CACNA2D3: variants seen among roughly 807,000 people sequenced by gnomAD.
CACNA2D3 encodes the protein voltage-dependent calcium channel subunit alpha-2/delta-3.
A neutral mutation model predicts 160.6 loss-of-function variants in CACNA2D3; 60 were observed. The ratio of observed to expected loss-of-function variants is 0.37; its 90% CI spans 0.30 to 0.46. The LOEUF is 0.46. CACNA2D3 is among the 20% of genes least tolerant of loss of function. The probability of loss-of-function intolerance (pLI) is 1.00; values close to 1 mark genes in which losing one functional copy is unlikely to be tolerated. For synonymous variants in CACNA2D3, 558 were observed against 492.9 expected (o/e 1.13, Z -1.75); for missense variants, 1,205 against 1,365.0 (o/e 0.88, Z 1.85).
intron 4 of CACNA2D3, among the ~76,000 whole-genome samples, chr3:54,425,662 T>C (rs1699901981): frequency 6.6e-6 from 1 of 152,180 alleles, no homozygotes; most frequent in Non-Finnish European, 1.5e-5. Context: ...GGTAAATCAG[T>C]GAACTCACCT....
intron 11 of CACNA2D3, among the ~76,000 whole-genome samples, chr3:54,749,126 A>C (rs914778742): frequency 1.3e-5 from 2 of 152,234 alleles, no homozygotes; most frequent in African/African-American, 4.8e-5. Context: ...ATCTTTAATT[A>C]TTAAAGCAAT....
chr3:54,388,409 A>G (rs1162936790), intron 4 of CACNA2D3, among the ~76,000 whole-genome samples: 2 of 152,214 alleles, frequency 1.3e-5, no homozygotes, highest in African/African-American at 4.8e-5. Context: ...GGAAGGTTGA[A>G]GAATGGTTCT....
At chr3:54,364,878 T>G (rs1698803135) in intron 3 of CACNA2D3, among the ~76,000 whole-genome samples, 1 of 152,238 alleles carries the variant, frequency 6.6e-6, no homozygotes, top group Admixed American at 6.5e-5. Context: ...AAGCGTTGTA[T>G]TTGACTAATA....
At chr3:54,944,604 G>A (rs1701563212) in intron 27 of CACNA2D3, among the ~76,000 whole-genome samples, 1 of 151,934 alleles carries the variant, frequency 6.6e-6, no homozygotes, top group Non-Finnish European at 1.5e-5. Context: ...TGTATTTTTA[G>A]TAGAGACAGG....
intron 9 of CACNA2D3, among the ~76,000 whole-genome samples, chr3:54,591,506 A>G (rs186282312): frequency 2.0e-5 from 3 of 151,382 alleles, no homozygotes; most frequent in East Asian, 3.9e-4. Flanking sequence ...CCATAGAAGC[A>G]TGAATGAATG....
chr3:54,987,354 C>T (rs2280185), intron 30 of CACNA2D3, among the ~76,000 whole-genome samples: 22 of 151,996 alleles, frequency 1.4e-4, no homozygotes, highest in East Asian at 1.9e-4. Context: ...TTTAATCACA[C>T]GGGATTATGT....
chr3:54,927,804 A>G, intron 27 of CACNA2D3: 1 of 1,274,678 alleles, frequency 7.8e-7, no homozygotes, highest in Non-Finnish European at 1.1e-6. Flanking sequence ...GTCTTTTAAG[A>G]CAGACGACTT....
rs774350395 is a variant in CACNA2D3, at chr3:54,848,411, T to TA, written c.1626+1945dup. ...GGTTGCTAGGATTTTGGCCATGCCATACATGGGGTGGCCCAAACAAATGCC... is the reference window on the plus strand; with the variant it reads ...GGTTGCTAGGATTTTGGCCATGCCATAACATGGGGTGGCCCAAACAAATGCC... On this transcript the variant is annotated intron_variant, in intron 17 of 37. Coordinates refer to ENST00000474759, the MANE Select transcript of CACNA2D3 (RefSeq NM_018398.3). 7.9e-5 allele frequency among the ~76,000 whole-genome samples: 12 copies of TA among 152,316 alleles called. 1 individual carries two copies. In the South Asian group the frequency reaches 1.5e-3, roughly 18 times the overall value.
At chr3:54,788,191 T>C (rs1191838972) in intron 13 of CACNA2D3, among the ~76,000 whole-genome samples, 1 of 152,274 alleles carries the variant, frequency 6.6e-6, no homozygotes, top group Non-Finnish European at 1.5e-5. Context: ...ATGATATTAC[T>C]GTGGGTCATA....
chr3:54,622,826 A>G (rs960216719), intron 9 of CACNA2D3, among the ~76,000 whole-genome samples: 1 of 151,462 alleles, frequency 6.6e-6, no homozygotes, highest in African/African-American at 2.5e-5. Flanking sequence ...GCAAAATCAC[A>G]AATCCTCCGT....
At chr3:54,250,018 T>C (rs1232828777) in intron 2 of CACNA2D3, among the ~76,000 whole-genome samples, 1 of 152,208 alleles carries the variant, frequency 6.6e-6, no homozygotes, top group East Asian at 1.9e-4. Context: ...ACACTGTTTT[T>C]CTCTGAATCA....
At chr3:54,892,106 G>A (rs550620926) in intron 25 of CACNA2D3, among the ~76,000 whole-genome samples, 5 of 152,128 alleles carry the variant, frequency 3.3e-5, no homozygotes, top group Non-Finnish European at 5.9e-5. Context: ...GTTTCACCAG[G>A]GCTAGTAGGT....
At chr3:54,332,472 G>A (rs1316250346) in intron 3 of CACNA2D3, among the ~76,000 whole-genome samples, 2 of 152,138 alleles carry the variant, frequency 1.3e-5, no homozygotes, top group Non-Finnish European at 2.9e-5. Context: ...ATATGTATAG[G>A]ACACGTGAGC....
chr3:54,519,648 T>C (rs977373749), intron 5 of CACNA2D3, among the ~76,000 whole-genome samples: 2 of 152,334 alleles, frequency 1.3e-5, no homozygotes, highest in African/African-American at 4.8e-5. Context: ...GTAGGAGATA[T>C]GTAATATACT....
chr3:55,053,638 C>G (rs752186251), intron 35 of CACNA2D3, among the ~76,000 whole-genome samples: 1 of 151,946 alleles, frequency 6.6e-6, no homozygotes, highest in Non-Finnish European at 1.5e-5. Context: ...ATTTTATATC[C>G]TGCATCCTTT....
At chr3:55,058,821 T>G (rs1243016220) in intron 35 of CACNA2D3, among the ~76,000 whole-genome samples, 1 of 152,170 alleles carries the variant, frequency 6.6e-6, no homozygotes, top group Non-Finnish European at 1.5e-5. Context: ...TGGCCTGGGT[T>G]TGAATCCCAG....
At position 54,122,752 on chromosome 3, in the gene CACNA2D3, G is replaced by C. The variant is rs977939491; in HGVS notation, c.39G>C (p.Gly13=). 1 of 1,221,590 alleles carries C rather than the reference G, an allele frequency of 8.2e-7. No individual in the cohort carries two copies. Among genetic ancestry groups the C allele is most frequent in the Non-Finnish European group, 1.0e-6 (1 of 979,124 alleles). 75.7% of individuals were successfully genotyped at this position (1,221,590 alleles called of 1,614,324 possible). A position where few individuals can be genotyped will look rare whatever the true frequency, so the allele number is the denominator to read the frequency against. The change falls in exon 1 of 38, where the codon GGG becomes GGC. Residue 13 remains glycine, a synonymous_variant. Transcript: ENST00000474759. ...GCTCGCCGCGCCGCGCGTCCCGGGG[G>C]GCCTCGGCGCTTCTCGCTGCCGCGC... ...GPGSPRRASR[G]ASALLAAALL...
intron 2 of CACNA2D3, among the ~76,000 whole-genome samples, chr3:54,216,291 A>G (rs1008795836): frequency 6.6e-5 from 10 of 152,254 alleles, no homozygotes; most frequent in African/African-American, 2.2e-4. Flanking sequence ...GCTTTTTGGT[A>G]TCAATCTTCT....
chr3:54,777,795 A>C (rs1702451303), intron 13 of CACNA2D3, among the ~76,000 whole-genome samples: 1 of 152,224 alleles, frequency 6.6e-6, no homozygotes, highest in East Asian at 1.9e-4. Flanking sequence ...TTCCAATAGC[A>C]GGGACCAGTG....
Sources: allele counts gnomAD v4.1 joint callset (sites outside exome capture counted in the v4.1 genomes callset), GRCh38; gene constraint gnomAD v4.1.1; transcripts MANE v1.5; gene names NCBI Gene and HGNC (gene_info 2026-07-23, HGNC 2026-07-21).